SORCS2: variants seen among roughly 807,000 people sequenced by gnomAD.
SORCS2 encodes sortilin related VPS10 domain containing receptor 2, also known as VPS10 domain-containing receptor SorCS2.
In SORCS2, 100 loss-of-function variants were observed where a neutral mutation model predicts 141.6. The observed-to-expected ratio is 0.71, with a 90% CI of 0.60 to 0.83. The LOEUF (loss-of-function observed/expected upper bound fraction) is 0.83, where lower values mean the gene tolerates loss of function less well. SORCS2 is among the 40% of genes least tolerant of loss of function. The probability of loss-of-function intolerance (pLI) is 0.00; values close to 1 mark genes in which losing one functional copy is unlikely to be tolerated. For missense variants in SORCS2, 1,646 were observed against 1,560.2 expected, an observed-to-expected ratio of 1.05 and a Z score of -0.93; for synonymous variants, 789 against 676.9, an observed-to-expected ratio of 1.17 and a Z score of -2.57.
chr4:7,339,460 T>C (rs1253143234), intron 1 of SORCS2, among the ~76,000 whole-genome samples: 1 of 152,228 alleles, frequency 6.6e-6, no homozygotes, highest in African/African-American at 2.4e-5. Context: ...TGGGTTCATC[T>C]GCAGCTGGGT....
intron 2 of SORCS2, among the ~76,000 whole-genome samples, chr4:7,446,434 A>G (rs1434147572): frequency 6.6e-6 from 1 of 152,196 alleles, no homozygotes; most frequent in Non-Finnish European, 1.5e-5. Context: ...ACACAATTCT[A>G]CCCATAGGGT....
chr4:7,638,214 C>A, intron 3 of SORCS2, 114 bp from the exon 4 acceptor site: 3 of 1,295,306 alleles, frequency 2.3e-6, no homozygotes, highest in Non-Finnish European at 2.1e-6. Flanking sequence ...GCCTCACAAC[C>A]CCCTTTCTGG....
At chr4:7,460,636 G>T (rs907202321) in intron 2 of SORCS2, among the ~76,000 whole-genome samples, 25 of 152,232 alleles carry the variant, frequency 1.6e-4, no homozygotes, top group African/African-American at 5.8e-4. Context: ...CATGCCGAGA[G>T]CTGTGTAATC....
intron 3 of SORCS2, among the ~76,000 whole-genome samples, chr4:7,587,640 C>G (rs544448769): frequency 1.3e-5 from 2 of 152,342 alleles, no homozygotes; most frequent in South Asian, 4.1e-4. Flanking sequence ...GTCCCCAACT[C>G]TGGCACCCAC....
intron 3 of SORCS2, among the ~76,000 whole-genome samples, chr4:7,625,874 C>T (rs1719485919): frequency 1.3e-5 from 2 of 149,750 alleles, no homozygotes; most frequent in Admixed American, 1.3e-4. Context: ...CGCGGTGGCT[C>T]ACATCTGTGA....
At chr4:7,662,228 C>T (rs1371459243) in intron 6 of SORCS2, among the ~76,000 whole-genome samples, 1 of 147,536 alleles carries the variant, frequency 6.8e-6, no homozygotes, top group Non-Finnish European at 1.5e-5. Context: ...CCACCCTCCC[C>T]CCCCTCCCCC....
At chr4:7,380,911 G>A (rs983187577) in intron 1 of SORCS2, among the ~76,000 whole-genome samples, 34 of 152,162 alleles carry the variant, frequency 2.2e-4, no homozygotes, top group East Asian at 7.8e-4. Context: ...GTGAAACCCC[G>A]TCTCTACTAA....
At chr4:7,207,755 A>G (rs770268039) in intron 1 of SORCS2, among the ~76,000 whole-genome samples, 9 of 152,218 alleles carry the variant, frequency 5.9e-5, no homozygotes, top group Non-Finnish European at 1.3e-4. Flanking sequence ...ATAGTTTGCT[A>G]AAGTGGAACA....
chr4:7,676,451 G>T (rs1032319589), intron 9 of SORCS2, among the ~76,000 whole-genome samples: 8 of 152,308 alleles, frequency 5.3e-5, no homozygotes, highest in African/African-American at 1.9e-4. Flanking sequence ...GAGGAAATTC[G>T]AAATACAATG....
At chr4:7,643,426 T>C (rs1720865834) in intron 4 of SORCS2, among the ~76,000 whole-genome samples, 2 of 152,206 alleles carry the variant, frequency 1.3e-5, no homozygotes, top group South Asian at 4.1e-4. Flanking sequence ...AACTCACTTT[T>C]ATATTTTATT....
At chr4:7,669,832 G>A (rs1363389934) in intron 8 of SORCS2, among the ~76,000 whole-genome samples, 1 of 152,182 alleles carries the variant, frequency 6.6e-6, no homozygotes, top group African/African-American at 2.4e-5. Flanking sequence ...TCTCCAGCCT[G>A]CTTTCACAGG....
chr4:7,649,424 G>A (rs142073586), intron 4 of SORCS2, among the ~76,000 whole-genome samples: 2,701 of 152,176 alleles, frequency 0.018, 71 homozygotes, highest in African/African-American at 0.061. Context: ...GAAGGTCTGC[G>A]TGGAGAGTGG....
At chr4:7,521,325 G>A (rs774331184) in intron 2 of SORCS2, among the ~76,000 whole-genome samples, 6 of 152,078 alleles carry the variant, frequency 3.9e-5, no homozygotes, top group South Asian at 2.1e-4. Flanking sequence ...GGGTCTCCTC[G>A]TCCCTAACAC....
chr4:7,264,605 G>T (rs552103008), intron 1 of SORCS2, among the ~76,000 whole-genome samples: 1 of 152,248 alleles, frequency 6.6e-6, no homozygotes, highest in Non-Finnish European at 1.5e-5. Flanking sequence ...GGAAGGTGCT[G>T]TGTGGCCCGT....
intron 3 of SORCS2, among the ~76,000 whole-genome samples, chr4:7,619,151 A>AC (rs1718974092): frequency 6.6e-6 from 1 of 152,190 alleles, no homozygotes; most frequent in Admixed American, 6.5e-5. Context: ...AGGGTCAGCT[A>AC]CGAGGGTTCA....
chr4:7,712,147 G>A (rs145741342), intron 14 of SORCS2, among the ~76,000 whole-genome samples: 7 of 152,146 alleles, frequency 4.6e-5, no homozygotes, highest in African/African-American at 9.7e-5. Flanking sequence ...AGGCTGCGAC[G>A]GGCCAACCTT....
At chr4:7,335,853 C>T (rs1008647482) in intron 1 of SORCS2, among the ~76,000 whole-genome samples, 2 of 152,182 alleles carry the variant, frequency 1.3e-5, no homozygotes, top group Non-Finnish European at 1.5e-5. Flanking sequence ...GCATGGAGTG[C>T]GGGTGCGGGG....
chr4:7,656,040 C>T (rs1039264611), intron 5 of SORCS2, among the ~76,000 whole-genome samples: 7 of 152,228 alleles, frequency 4.6e-5, no homozygotes, highest in African/African-American at 1.4e-4. Context: ...TCTCCTGGAG[C>T]GTGGTGACAG....
intron 3 of SORCS2, among the ~76,000 whole-genome samples, chr4:7,619,186 G>A (rs1401150863): frequency 2.0e-5 from 3 of 152,150 alleles, no homozygotes; most frequent in African/African-American, 7.2e-5. Flanking sequence ...TGTGCCACTC[G>A]GCACCTGGCT....
Sources: gnomAD v4.1 joint callset for allele counts (sites outside exome capture counted in the v4.1 genomes callset) on GRCh38, gnomAD v4.1.1 for gene constraint, MANE v1.5 for transcripts, NCBI Gene and HGNC (gene_info 2026-07-23, HGNC 2026-07-21) for gene names.